The following FARP1 variants were observed in gnomAD, a reference collection of about 807,000 sequenced individuals.
FARP1 encodes the protein FERM, ARHGEF and pleckstrin domain-containing protein 1.
FARP1 carries 52 observed loss-of-function variants against 128.8 expected under a neutral mutation model. The observed-to-expected ratio is 0.40, with a 90% confidence interval of 0.32 to 0.51. The LOEUF (loss-of-function observed/expected upper bound fraction) is 0.51. Among genes scored for constraint, FARP1 ranks in the 20% least tolerant of loss-of-function variants. The pLI, the probability that FARP1 is intolerant of heterozygous loss-of-function variation, is 0.45. For synonymous variants in FARP1, 580 were observed against 551.8 expected (o/e 1.05, Z -0.72); for missense variants, 1,333 against 1,367.9 (o/e 0.97, Z 0.40).
At chr13:98,254,134 G>T (rs1308526046) in intron 2 of FARP1, among the ~76,000 whole-genome samples, 1 of 152,146 alleles carries the variant, frequency 6.6e-6, no homozygotes, top group Non-Finnish European at 1.5e-5. Flanking sequence ...GCGGGCAGTC[G>T]GTAGTGTGTG....
chr13:98,368,859 GTCACCATCATCA>G (rs1344056176), intron 5 of FARP1, among the ~76,000 whole-genome samples: 1 of 151,312 alleles, frequency 6.6e-6, no homozygotes, highest in African/African-American at 2.4e-5. Flanking sequence ...TTTCATTGTC[GTCACCATCATCA>G]TCACCATCGT....
intron 2 of FARP1, among the ~76,000 whole-genome samples, chr13:98,224,279 G>T (rs1881607348): frequency 6.6e-6 from 1 of 152,118 alleles, no homozygotes; most frequent in Non-Finnish European, 1.5e-5. Context: ...TGTAATCCCA[G>T]CACTTTGGGA....
chr13:98,445,946 G>A (rs1325890991), intron 24 of FARP1, 152 bp from the exon 25 acceptor site: 2 of 592,594 alleles, frequency 3.4e-6, no homozygotes, highest in Non-Finnish European at 6.1e-6. Context: ...GACCTGCCAA[G>A]TCTCCCCACA....
At chr13:98,266,292 A>G (rs1884112606) in intron 2 of FARP1, among the ~76,000 whole-genome samples, 1 of 152,224 alleles carries the variant, frequency 6.6e-6, no homozygotes, top group Non-Finnish European at 1.5e-5. Context: ...ACAGAGGGAC[A>G]CACATTCATT....
chr13:98,273,629 C>T (rs377755850), intron 2 of FARP1, among the ~76,000 whole-genome samples: 90 of 152,324 alleles, frequency 5.9e-4, no homozygotes, highest in East Asian at 5.8e-3. Context: ...TTCTTGTCCA[C>T]GGAAGCATCT....
At chr13:98,446,042 G>C (rs529448358) in intron 24 of FARP1, 56 bp from the exon 25 acceptor site, 14 of 1,205,882 alleles carry the variant, frequency 1.2e-5, no homozygotes, top group African/African-American at 8.9e-5. Context: ...GCTGCTCTCT[G>C]TGCCCTCCTG....
chr13:98,422,697 T>C (rs1891638008), intron 16 of FARP1, among the ~76,000 whole-genome samples: 1 of 152,160 alleles, frequency 6.6e-6, no homozygotes, highest in Non-Finnish European at 1.5e-5. Context: ...TTCTACCTCC[T>C]GGGTTTGCTT....
chr13:98,338,158 A>T (rs556680514), intron 2 of FARP1, among the ~76,000 whole-genome samples: 1 of 152,340 alleles, frequency 6.6e-6, no homozygotes, highest in East Asian at 1.9e-4. Context: ...TACCGTTTTT[A>T]CATGTGTAGT....
At chr13:98,348,510 G>A (rs1391432549) in intron 3 of FARP1, among the ~76,000 whole-genome samples, 1 of 152,240 alleles carries the variant, frequency 6.6e-6, no homozygotes, top group Non-Finnish European at 1.5e-5. Flanking sequence ...CAGGATTCTT[G>A]CTAAAACTGG....
chr13:98,302,744 G>A (rs544828862), intron 2 of FARP1, among the ~76,000 whole-genome samples: 2 of 152,220 alleles, frequency 1.3e-5, no homozygotes, highest in South Asian at 4.1e-4. Flanking sequence ...TGAGGTCGAT[G>A]AGGTAGCATG....
At chr13:98,244,476 C>T (rs928512254) in intron 2 of FARP1, 2 of 1,611,420 alleles carry the variant, frequency 1.2e-6, no homozygotes, top group South Asian at 2.2e-5. Flanking sequence ...AGCATTTGCT[C>T]TCCTCTCTTC....
At chr13:98,192,220 G>A (rs17269208) in intron 1 of FARP1, among the ~76,000 whole-genome samples, 31,206 of 152,032 alleles carry the variant, frequency 0.21, 3,900 homozygotes, top group Middle Eastern at 0.34. Flanking sequence ...CTTTCTTTGC[G>A]TTTATAGCCT....
chr13:98,294,798 C>T (rs1885588830), intron 2 of FARP1, among the ~76,000 whole-genome samples: 2 of 152,206 alleles, frequency 1.3e-5, no homozygotes, highest in African/African-American at 4.8e-5. Context: ...AGGCGGATCA[C>T]CTGAGGCCAG....
intron 24 of FARP1, among the ~76,000 whole-genome samples, chr13:98,444,981 C>T (rs1892731869): frequency 6.6e-6 from 1 of 152,194 alleles, no homozygotes. Context: ...GCTGGAGCTG[C>T]CTGCCTGGCC....
At chr13:98,146,720 C>T (rs1026649924) in intron 1 of FARP1, among the ~76,000 whole-genome samples, 54 of 152,180 alleles carry the variant, frequency 3.5e-4, no homozygotes, top group Non-Finnish European at 1.6e-4. Context: ...TTTGGAAGGA[C>T]AGGCATTCCC....
intron 2 of FARP1, among the ~76,000 whole-genome samples, chr13:98,243,758 C>A (rs1273779764): frequency 6.6e-6 from 1 of 151,436 alleles, no homozygotes; most frequent in Non-Finnish European, 1.5e-5. Context: ...AATTAATCAC[C>A]CTTTTTTTCC....
intron 13 of FARP1, chr13:98,397,889 C>CTT (rs796074639): frequency 8.1e-4 from 67 of 82,326 alleles, no homozygotes; most frequent in African/African-American, 2.8e-3. Context: ...GCCTTAGGTA[C>CTT]TTTTTTTTTT....
At position 98,178,142 on chromosome 13, in the gene FARP1, TG is replaced by T. The variant is rs1486472956; in HGVS notation, c.-24+34652del. On this transcript the variant is annotated intron_variant, in intron 1 of 26. Coordinates refer to ENST00000319562, the MANE Select transcript of FARP1 (RefSeq NM_005766.4). ...TAATGGAAATTGGCTGTCCCCTGCC[TG>T]GCCCCTCCACACGCCAATTCCTGGT... Among the ~76,000 whole-genome samples the T allele has an allele frequency of 2.0e-5, 3 of 151,910 alleles. No homozygotes were observed. In the South Asian group the frequency reaches 6.2e-4, roughly 32 times the overall value.
intron 2 of FARP1, among the ~76,000 whole-genome samples, chr13:98,238,162 A>G (rs1334382860): frequency 6.6e-6 from 1 of 152,234 alleles, no homozygotes; most frequent in Non-Finnish European, 1.5e-5. Context: ...AAGAGGCAGT[A>G]GATGAGTTCC....
Sources: gnomAD v4.1 joint callset for allele counts (sites outside exome capture counted in the v4.1 genomes callset) on GRCh38, gnomAD v4.1.1 for gene constraint, MANE v1.5 for transcripts, NCBI Gene and HGNC (gene_info 2026-07-23, HGNC 2026-07-21) for gene names.